PTPN5: variants seen among roughly 807,000 people sequenced by gnomAD.
PTPN5 encodes protein tyrosine phosphatase non-receptor type 5.
Under a neutral mutation model 73.9 loss-of-function variants are expected in PTPN5, and 29 were observed. That is an observed-to-expected ratio of 0.39 (90% CI 0.29 to 0.54). The LOEUF is 0.54. Among genes scored for constraint, PTPN5 ranks in the 20% least tolerant of loss-of-function variants. The pLI, the probability that PTPN5 is intolerant of heterozygous loss-of-function variation, is 0.65. For missense variants in PTPN5, 652 were observed against 751.4 expected (o/e 0.87, Z 1.55); for synonymous variants, 267 against 304.7 (o/e 0.88, Z 1.29).
intron 7 of PTPN5, among the ~76,000 whole-genome samples, chr11:18,741,436 T>G (rs4756962): frequency 0.33 from 50,134 of 152,032 alleles, 10,054 homozygotes; most frequent in South Asian, 0.52. Context: ...TGAGTCCCCA[T>G]GAAGGGCCAA....
intron 3 of PTPN5, among the ~76,000 whole-genome samples, chr11:18,750,974 T>C (rs1253873863): frequency 2.6e-5 from 4 of 152,118 alleles, no homozygotes; most frequent in African/African-American, 4.8e-5. Context: ...CTGGCCTATT[T>C]TGAGGTTTTG....
intron 4 of PTPN5, 48 bp from the exon 5 acceptor site, chr11:18,743,477 C>A (rs767746962): frequency 1.9e-6 from 3 of 1,545,574 alleles, no homozygotes; most frequent in Non-Finnish European, 2.7e-6. Context: ...CCCCTTCCCC[C>A]GTGTTCCCCC....
At chr11:18,765,952 A>G (rs1360209855) in intron 2 of PTPN5, 69 bp from the exon 3 acceptor site, 14 of 1,136,196 alleles carry the variant, frequency 1.2e-5, no homozygotes, top group East Asian at 5.1e-5. Context: ...CTGAGCAAAG[A>G]TAAGAAGGCT....
upstream of PTPN5, chr11:18,792,312 G>GC (rs1324636562): frequency 6.6e-6 from 1 of 152,314 alleles, no homozygotes; most frequent in African/African-American, 2.4e-5. Context: ...CAACACCTGC[G>GC]CAAGTGGAGC....
At chr11:18,751,810 A>G (rs1849900332) in intron 3 of PTPN5, among the ~76,000 whole-genome samples, 2 of 152,240 alleles carry the variant, frequency 1.3e-5, no homozygotes, top group Admixed American at 1.3e-4. Context: ...GTGGTCTTAA[A>G]ATACGTCTGT....
chr11:18,734,397 C>T (rs995737402), intron 9 of PTPN5, among the ~76,000 whole-genome samples: 4 of 152,140 alleles, frequency 2.6e-5, no homozygotes, highest in African/African-American at 7.2e-5. Context: ...GGCTCGCTGC[C>T]GCCTCAAACT....
chr11:18,735,537 C>G (rs1438198645), intron 9 of PTPN5, among the ~76,000 whole-genome samples: 1 of 152,060 alleles, frequency 6.6e-6, no homozygotes, highest in Non-Finnish European at 1.5e-5. Context: ...GGATTTAGGC[C>G]GGGCGTGGTG....
intron 1 of PTPN5, among the ~76,000 whole-genome samples, chr11:18,776,435 T>C (rs948201770): frequency 2.0e-5 from 3 of 152,150 alleles, no homozygotes; most frequent in Admixed American, 6.5e-5. Flanking sequence ...CATACGGTCA[T>C]TATCTGTTGA....
At chr11:18,792,128 G>C (rs985469060), upstream of PTPN5, 2 of 152,302 alleles carry the variant, frequency 1.3e-5, no homozygotes, top group Admixed American at 1.3e-4. Context: ...GCCCCGGGTC[G>C]GGCCGCGCGG....
chr11:18,734,163 A>G (rs768623107), intron 9 of PTPN5, among the ~76,000 whole-genome samples: 1 of 152,220 alleles, frequency 6.6e-6, no homozygotes, highest in Non-Finnish European at 1.5e-5. Flanking sequence ...GTAAACTGTA[A>G]AGTGCTTTAT....
chr11:18,756,929 A>ACC (rs1850175744), intron 3 of PTPN5, among the ~76,000 whole-genome samples: 2 of 148,466 alleles, frequency 1.3e-5, no homozygotes, highest in African/African-American at 4.9e-5. Flanking sequence ...ATCAAAAAAA[A>ACC]AAAAAAACCA....
intron 9 of PTPN5, among the ~76,000 whole-genome samples, chr11:18,735,860 G>C (rs1849089349): frequency 6.6e-6 from 1 of 152,018 alleles, no homozygotes. Flanking sequence ...AATTAGATTT[G>C]TTTTGCCTCA....
At chr11:18,773,166 C>T (rs1189040465) in intron 1 of PTPN5, among the ~76,000 whole-genome samples, 2 of 150,862 alleles carry the variant, frequency 1.3e-5, no homozygotes, top group East Asian at 1.9e-4. Flanking sequence ...TTTCCCTCCC[C>T]TTCTTTCCAG....
chr11:18,779,125 C>G (rs1307876668), intron 1 of PTPN5, among the ~76,000 whole-genome samples: 1 of 152,154 alleles, frequency 6.6e-6, no homozygotes, highest in African/African-American at 2.4e-5. Flanking sequence ...AGAGGGGCCC[C>G]TAGCTCCTGC....
chr11:18,779,938 T>C (rs1308767639), intron 1 of PTPN5, among the ~76,000 whole-genome samples: 1 of 152,132 alleles, frequency 6.6e-6, no homozygotes. Flanking sequence ...GCTGCAGGGT[T>C]GTGATGAAGC....
chr11:18,759,741 AATCAAC>A (rs3074216), intron 3 of PTPN5, among the ~76,000 whole-genome samples: 53,176 of 151,664 alleles, frequency 0.35, 9,596 homozygotes, highest in Middle Eastern at 0.48. Flanking sequence ...AAGAAATAAA[AATCAAC>A]AGAACCTCTA....
At chr11:18,750,740 A>G (rs2134250552) in intron 3 of PTPN5, among the ~76,000 whole-genome samples, 1 of 152,182 alleles carries the variant, frequency 6.6e-6, no homozygotes, top group African/African-American at 2.4e-5. Context: ...ATGCTGTTCA[A>G]TAGTCACAAC....
At chr11:18,738,086 AAAC>A (rs1849196660) in intron 8 of PTPN5, 122 bp from the exon 9 acceptor site, 1 of 743,810 alleles carries the variant, frequency 1.3e-6, no homozygotes, top group South Asian at 1.5e-5. Flanking sequence ...TTCATTCAAC[AAAC>A]ATTTACTATT....
chr11:18,775,014 C>T (rs7932701), intron 1 of PTPN5, among the ~76,000 whole-genome samples: 12,508 of 152,280 alleles, frequency 0.082, 1,336 homozygotes, highest in African/African-American at 0.25. Context: ...GTCACTACTG[C>T]ACCCGGACCA....
Sources: allele counts gnomAD v4.1 joint callset (sites outside exome capture counted in the v4.1 genomes callset), GRCh38; gene constraint gnomAD v4.1.1; transcripts MANE v1.5; gene names NCBI Gene and HGNC (gene_info 2026-07-23, HGNC 2026-07-21).